FRMPD4: variants seen among roughly 807,000 people sequenced by gnomAD.
The protein encoded by FRMPD4 is FERM and PDZ domain-containing protein 4.
A neutral mutation model predicts 94.1 loss-of-function variants in FRMPD4; 22 were observed. The observed-to-expected ratio is 0.23, with a 90% CI of 0.17 to 0.33. The LOEUF (loss-of-function observed/expected upper bound fraction) is 0.33, where lower values mean the gene tolerates loss of function less well. FRMPD4 is among the 10% of genes least tolerant of loss of function. The pLI is 1.00. For synonymous variants in FRMPD4, 631 were observed against 548.6 expected, an observed-to-expected ratio of 1.15 and a Z score of -2.10; for missense variants, 1,111 against 1,339.9, an observed-to-expected ratio of 0.83 and a Z score of 2.67.
At chrX:12,294,546 A>G (rs1448141736) in intron 1 of FRMPD4, among the ~76,000 whole-genome samples, 2 of 110,132 alleles carry the variant, frequency 1.8e-5, no homozygotes, top group East Asian at 5.7e-4. Flanking sequence ...TGTAGCAGTT[A>G]AAGAGATTGT....
chrX:11,929,465 TG>T (rs1448523076), intron 3 of FRMPD4, among the ~76,000 whole-genome samples: 5 of 112,456 alleles, frequency 4.4e-5, no homozygotes, highest in African/African-American at 1.6e-4. Flanking sequence ...CATAAAGTGC[TG>T]GATACACATC....
At chrX:12,643,985 T>C (rs1251369589) in intron 4 of FRMPD4, among the ~76,000 whole-genome samples, 1 of 112,776 alleles carries the variant, frequency 8.9e-6, no homozygotes, top group East Asian at 2.8e-4. Flanking sequence ...GTGCTTGTAA[T>C]TTTGTAGCCT....
At position 12,089,125 on chromosome X, in the gene FRMPD4, T is replaced by C. The variant is rs5979509; in HGVS notation, c.95+211107T>C. 3.8e-3 allele frequency among the ~76,000 whole-genome samples: 433 copies of C among 112,471 alleles called. 4 individuals carry two copies. The highest frequency in any genetic ancestry group is 0.013 in the African/African-American group (409 of 30,990). The stretch of plus-strand genomic sequence containing the variant: ...GTGAAATTCATCCATATTGATCAGA[T>C]AATTGTAATCATTCATTTTCATTTT... On this transcript the variant is annotated intron_variant, in intron 3 of 18. Transcript: ENST00000640291.
intron 1 of FRMPD4, among the ~76,000 whole-genome samples, chrX:12,141,724 G>A (rs927631279): frequency 8.1e-5 from 9 of 111,415 alleles, no homozygotes; most frequent in African/African-American, 3.3e-5. Flanking sequence ...GGTTTTTCCC[G>A]TTCTTCTAAT....
intron 2 of FRMPD4, among the ~76,000 whole-genome samples, chrX:12,573,538 A>G (rs1381220619): frequency 8.9e-6 from 1 of 112,196 alleles, no homozygotes. Flanking sequence ...ATATGGAGCC[A>G]TGGAGGAAAA....
rs1398888625 is a variant in FRMPD4 at position 12,622,015 on chromosome X, A to AAAGAAAGAAAGG, written c.422+7137_422+7138insAAAGAAAGGAAG. Among the ~76,000 whole-genome samples, 207 of 21,936 alleles carry AAAGAAAGAAAGG rather than the reference A, an allele frequency of 9.4e-3. 3 individuals are homozygous for AAAGAAAGAAAGG. Among genetic ancestry groups the AAAGAAAGAAAGG allele is most frequent in the Non-Finnish European group, 0.012 (140 of 12,058 alleles). 19.0% of individuals were successfully genotyped at this position (21,936 alleles called of 115,157 possible). ...GAAAGAAAGAAAGAAAGAAAGAAAG[A>AAAGAAAGAAAGG]AAGGAAGGAAGGAAGGAAGGAAGGA... On this transcript the variant is annotated intron_variant, in intron 4 of 16. Coordinates refer to ENST00000675598, the MANE Select transcript of FRMPD4 (RefSeq NM_001368397.1).
chrX:12,712,842 G>A (rs941497742), intron 14 of FRMPD4, among the ~76,000 whole-genome samples: 3 of 111,154 alleles, frequency 2.7e-5, no homozygotes, highest in South Asian at 3.8e-4. Flanking sequence ...TGGGGAGTCC[G>A]AGGCGGGTGG....
At chrX:12,193,363 T>C (rs2056513322) in intron 1 of FRMPD4, among the ~76,000 whole-genome samples, 1 of 111,011 alleles carries the variant, frequency 9.0e-6, no homozygotes, top group Non-Finnish European at 1.9e-5. Flanking sequence ...TCCAAAATAT[T>C]ATAAAATATT....
In FRMPD4 at chrX:12,554,754, C is replaced by T. The variant is rs747885624; in HGVS notation, c.159-54967C>T. ...TCAGCCTCCAGAGTAGCTGGAACTA[C>T]AGGCACATGCCACCATACCCAGCTA... On this transcript the variant is annotated intron_variant, in intron 2 of 16. Transcript: ENST00000675598. 7.2e-5 allele frequency among the ~76,000 whole-genome samples: 8 copies of T among 111,804 alleles called. No homozygotes were observed. In the East Asian group the frequency reaches 2.3e-3, roughly 32 times the overall value.
At chrX:12,557,222 G>A (rs1395316762) in intron 2 of FRMPD4, among the ~76,000 whole-genome samples, 1 of 103,073 alleles carries the variant, frequency 9.7e-6, no homozygotes, top group East Asian at 2.9e-4. Flanking sequence ...TAAGGGCTTG[G>A]ATCTTGGCGA....
chrX:12,396,819 A>G (rs1046314560), intron 1 of FRMPD4, among the ~76,000 whole-genome samples: 5 of 111,936 alleles, frequency 4.5e-5, no homozygotes, highest in East Asian at 2.8e-4. Context: ...CATTTTTTCT[A>G]TCTTTGCTAA....
At chrX:11,861,577 A>G (rs2053687244) in intron 1 of FRMPD4, among the ~76,000 whole-genome samples, 1 of 111,917 alleles carries the variant, frequency 8.9e-6, no homozygotes, top group Non-Finnish European at 1.9e-5. Flanking sequence ...TATGGTTTGC[A>G]TGGTATTATG....
At chrX:12,596,211 A>G (rs892747414) in intron 2 of FRMPD4, among the ~76,000 whole-genome samples, 13 of 111,486 alleles carry the variant, frequency 1.2e-4, no homozygotes, top group Admixed American at 4.8e-4. Flanking sequence ...ATTCTGCACC[A>G]GAATCACTTG....
intron 4 of FRMPD4, among the ~76,000 whole-genome samples, chrX:12,658,992 C>G (rs1441476984): frequency 8.9e-6 from 1 of 112,233 alleles, no homozygotes; most frequent in African/African-American, 3.2e-5. Context: ...TTGCAATGGC[C>G]CATCAGGCCC....
chrX:12,653,217 G>A (rs1009929621), intron 4 of FRMPD4, among the ~76,000 whole-genome samples: 1 of 111,811 alleles, frequency 8.9e-6, no homozygotes, highest in South Asian at 3.8e-4. Context: ...AAAAATGCGA[G>A]CAATATTATT....
chrX:12,382,410 A>G (rs1044220118), intron 1 of FRMPD4, among the ~76,000 whole-genome samples: 5 of 110,790 alleles, frequency 4.5e-5, no homozygotes, highest in African/African-American at 1.6e-4. Context: ...TGGATTGCAT[A>G]CTTGGGGATG....
chrX:12,582,552 G>C, intron 2 of FRMPD4, among the ~76,000 whole-genome samples: 1 of 111,797 alleles, frequency 8.9e-6, no homozygotes, highest in Non-Finnish European at 1.9e-5. Context: ...AAGGGAAGGA[G>C]ACTGAGCAAG....
intron 10 of FRMPD4, among the ~76,000 whole-genome samples, chrX:12,703,509 A>T (rs750237879): frequency 9.0e-6 from 1 of 111,682 alleles, no homozygotes; most frequent in Non-Finnish European, 1.9e-5. Context: ...AGGACCTAGA[A>T]CAGGAGAAAT....
chrX:12,417,532 T>C (rs1235771381), intron 1 of FRMPD4, among the ~76,000 whole-genome samples: 2 of 100,943 alleles, frequency 2.0e-5, no homozygotes, highest in South Asian at 5.0e-4. Context: ...TGAGCCAAGA[T>C]TGCGCCATCA....
Sources: gnomAD v4.1 joint callset for allele counts (sites outside exome capture counted in the v4.1 genomes callset) on GRCh38, gnomAD v4.1.1 for gene constraint, MANE v1.5 for transcripts, NCBI Gene and HGNC (gene_info 2026-07-23, HGNC 2026-07-21) for gene names.